Variants in MAD1L1 observed in about 807,000 individuals in gnomAD.
The protein encoded by MAD1L1 is mitotic spindle assembly checkpoint protein MAD1.
Under a neutral mutation model 96.9 loss-of-function variants are expected in MAD1L1, and 95 were observed. That is an observed-to-expected ratio of 0.98 (90% CI 0.83 to 1.16). MAD1L1 has a LOEUF of 1.16. Among genes scored for constraint, MAD1L1 ranks in the 50% most tolerant of loss-of-function variants. MAD1L1 has a pLI of 0.00. For synonymous variants in MAD1L1, 473 were observed against 396.6 expected, an observed-to-expected ratio of 1.19 and a Z score of -2.29; for missense variants, 1,007 against 954.4, an observed-to-expected ratio of 1.06 and a Z score of -0.73.
chr7:2,074,229 T>C (rs1785272985), intron 11 of MAD1L1, among the ~76,000 whole-genome samples: 1 of 151,894 alleles, frequency 6.6e-6, no homozygotes, highest in African/African-American at 2.4e-5. Context: ...GGTGGGAATC[T>C]CAAGCAAAGA....
intron 10 of MAD1L1, among the ~76,000 whole-genome samples, chr7:2,183,480 T>C (rs933706103): frequency 2.0e-5 from 3 of 152,120 alleles, no homozygotes; most frequent in Admixed American, 6.5e-5. Context: ...CTATTCACAA[T>C]AGCAAAGACT....
chr7:1,841,809 C>T (rs1039094395), intron 18 of MAD1L1, among the ~76,000 whole-genome samples: 3 of 152,232 alleles, frequency 2.0e-5, no homozygotes, highest in African/African-American at 7.2e-5. Context: ...GGGAGACCCC[C>T]AATCCTTCTG....
intron 14 of MAD1L1, among the ~76,000 whole-genome samples, chr7:1,984,179 GAC>G (rs1469267041): frequency 2.0e-5 from 3 of 152,210 alleles, no homozygotes; most frequent in Admixed American, 2.0e-4. Flanking sequence ...AATTGTTTAA[GAC>G]ACAGTGTTTT....
chr7:1,982,765 A>G (rs1384270329), intron 14 of MAD1L1, among the ~76,000 whole-genome samples: 1 of 152,212 alleles, frequency 6.6e-6, no homozygotes, highest in Non-Finnish European at 1.5e-5. Flanking sequence ...GATACTGGAC[A>G]TCCTTAGGTG....
chr7:2,073,445 C>A (rs1199332585), intron 11 of MAD1L1, among the ~76,000 whole-genome samples: 1 of 152,180 alleles, frequency 6.6e-6, no homozygotes, highest in Non-Finnish European at 1.5e-5. Flanking sequence ...TTGGACCCAA[C>A]CCCCTCCTCT....
At chr7:1,963,348 C>T (rs938690987) in intron 15 of MAD1L1, among the ~76,000 whole-genome samples, 6 of 152,140 alleles carry the variant, frequency 3.9e-5, no homozygotes, top group Non-Finnish European at 8.8e-5. Context: ...CCAGGACCAA[C>T]GCCATGCCCA....
At chr7:1,829,116 C>T (rs761002927) in intron 18 of MAD1L1, among the ~76,000 whole-genome samples, 13 of 152,200 alleles carry the variant, frequency 8.5e-5, no homozygotes, top group Admixed American at 2.0e-4. Flanking sequence ...GGCTGTGGGG[C>T]GACGTCACAT....
At chr7:2,089,999 T>C (rs1786126090) in intron 11 of MAD1L1, among the ~76,000 whole-genome samples, 1 of 152,220 alleles carries the variant, frequency 6.6e-6, no homozygotes, top group Non-Finnish European at 1.5e-5. Context: ...CTACCAGCTA[T>C]GCAACGAAAG....
chr7:2,020,997 A>G (rs918762214), intron 12 of MAD1L1, among the ~76,000 whole-genome samples: 3 of 152,250 alleles, frequency 2.0e-5, no homozygotes, highest in African/African-American at 7.2e-5. Flanking sequence ...GAGCAAATGT[A>G]AAAACAGGTC....
chr7:1,825,926 C>A (rs1461361553), intron 18 of MAD1L1, among the ~76,000 whole-genome samples: 1 of 151,978 alleles, frequency 6.6e-6, no homozygotes, highest in Non-Finnish European at 1.5e-5. Flanking sequence ...ACAGTCCCAG[C>A]CCCAGGCGGG....
intron 10 of MAD1L1, among the ~76,000 whole-genome samples, chr7:2,210,259 G>A (rs1639911): frequency 0.13 from 19,755 of 151,906 alleles, 1,964 homozygotes; most frequent in African/African-American, 0.27. Flanking sequence ...TGGTACACAC[G>A]GGGTCTCAAC....
intron 11 of MAD1L1, among the ~76,000 whole-genome samples, chr7:2,132,312 G>T (rs1022370434): frequency 3.3e-5 from 5 of 152,196 alleles, no homozygotes; most frequent in Non-Finnish European, 5.9e-5. Context: ...CAGTGGACAC[G>T]TGGGCTCACT....
At chr7:1,899,755 G>T (rs757606560) in intron 17 of MAD1L1, among the ~76,000 whole-genome samples, 1 of 152,174 alleles carries the variant, frequency 6.6e-6, no homozygotes, top group Non-Finnish European at 1.5e-5. Flanking sequence ...TGAGAGAGGG[G>T]CTGCCGGGGA....
chr7:2,089,602 G>C (rs1310278929), intron 11 of MAD1L1, among the ~76,000 whole-genome samples: 1 of 149,318 alleles, frequency 6.7e-6, no homozygotes, highest in African/African-American at 2.5e-5. Context: ...GGGGCCCACC[G>C]CACACGCCCA....
At chr7:2,011,474 G>A (rs1782298640) in intron 13 of MAD1L1, among the ~76,000 whole-genome samples, 1 of 152,208 alleles carries the variant, frequency 6.6e-6, no homozygotes, top group Non-Finnish European at 1.5e-5. Flanking sequence ...CCCAGCAGAT[G>A]CTCCCCTGAG....
At chr7:1,855,664 G>A (rs753089657) in intron 18 of MAD1L1, among the ~76,000 whole-genome samples, 15 of 152,114 alleles carry the variant, frequency 9.9e-5, no homozygotes, top group Non-Finnish European at 2.9e-5. Context: ...AGCATTCCTT[G>A]TGCAGGAAGA....
At chr7:2,190,177 T>G (rs1177857796) in intron 10 of MAD1L1, among the ~76,000 whole-genome samples, 2 of 152,146 alleles carry the variant, frequency 1.3e-5, no homozygotes, top group African/African-American at 2.4e-5. Context: ...TGACAGTAAT[T>G]ACGACCTTAC....
At chr7:1,843,372 G>T (rs1783392740) in intron 18 of MAD1L1, among the ~76,000 whole-genome samples, 1 of 152,130 alleles carries the variant, frequency 6.6e-6, no homozygotes, top group African/African-American at 2.4e-5. Flanking sequence ...GTCCCTCACG[G>T]CCAGGGAGGC....
chr7:2,229,979 C>T lies in MAD1L1; in HGVS notation c.150+5G>A, dbSNP rs1168300961. On this transcript the variant is annotated splice_donor_5th_base_variant and intron_variant, in intron 3 of 18. Coordinates refer to ENST00000265854, the MANE Select transcript of MAD1L1 (RefSeq NM_001013836.2). ...CAGACTCCCACCCAGGCACATGCCA[C>T]TCACCTGCATGCTCTGCTGGTACTG... The T allele has an allele frequency of 1.2e-6, 2 of 1,612,278 alleles. No homozygotes were observed. Among genetic ancestry groups the T allele is most frequent in the South Asian group, 1.1e-5 (1 of 91,002 alleles).
Sources: allele counts gnomAD v4.1 joint callset (sites outside exome capture counted in the v4.1 genomes callset), GRCh38; gene constraint gnomAD v4.1.1; transcripts MANE v1.5; gene names NCBI Gene and HGNC (gene_info 2026-07-23, HGNC 2026-07-21).